Variants in MARF1 observed in about 807,000 individuals in gnomAD.
MARF1 encodes the protein limkain-b1.
Under a neutral mutation model 168.2 loss-of-function variants are expected in MARF1, and 24 were observed. The ratio of observed to expected loss-of-function variants is 0.14; its 90% CI spans 0.10 to 0.20. MARF1 has a LOEUF of 0.20. Ranked by LOEUF, MARF1 falls within the 10% of genes least tolerant of loss-of-function variation. MARF1 has a pLI of 1.00. For synonymous variants in MARF1, 868 were observed against 822.4 expected (o/e 1.06, Z -0.95); for missense variants, 1,744 against 2,143.6 (o/e 0.81, Z 3.68).
intron 13 of MARF1, 26 bp from the exon 14 acceptor site, chr16:15,617,561 G>A: frequency 2.0e-6 from 3 of 1,497,366 alleles, no homozygotes; most frequent in Non-Finnish European, 2.8e-6. Flanking sequence ...GAGAGACGCT[G>A]ACTTAGAAGG....
rs750590815 is a variant in MARF1, at chr16:15,604,360, G to A, written c.4221C>T (p.Ile1407=). The A allele has an allele frequency of 4.3e-6, 7 of 1,614,038 alleles. No homozygotes were observed. In the East Asian group the frequency reaches 1.3e-4, roughly 31 times the overall value. The change falls in exon 22 of 27, where the codon ATC becomes ATT. Residue 1407 remains isoleucine, a synonymous_variant. Coordinates refer to ENST00000396368, the MANE Select transcript of MARF1 (RefSeq NM_014647.4). Reference sequence around the variant, plus strand: ...TGAGAGATCGCAGAGACTTTCGGTTGATCAGCTGAATCTGTCTGCCAGATT... The same window carrying A: ...TGAGAGATCGCAGAGACTTTCGGTTAATCAGCTGAATCTGTCTGCCAGATT... ...DIESGRQIQL[I]NRKSLRSLTA...
rs72770198 is a variant in MARF1, at chr16:15,609,851, C to T, written c.3752-126G>A. ...ATCATCCTTGCCTTCCAAACACACA[C>T]AACCTAAAACAAACACATATACTCT... On this transcript the variant is annotated intron_variant, in intron 19 of 26. Transcript: ENST00000396368. The T allele has an allele frequency of 4.2e-3, 3,236 of 761,618 alleles. 14 individuals carry two copies. Among genetic ancestry groups the T allele is most frequent in the Non-Finnish European group, 6.1e-3 (2,842 of 465,862 alleles). The allele number at this position is 761,618 out of a possible 1,614,324, so 47.2% of individuals were successfully genotyped here. A position where few individuals can be genotyped will look rare whatever the true frequency, so the allele number is the denominator to read the frequency against.
At position 15,627,027 on chromosome 16, in the gene MARF1, G is replaced by C. The variant is rs1322384756; in HGVS notation, c.1525-1227C>G. 2.6e-5 allele frequency among the ~76,000 whole-genome samples: 4 copies of C among 151,324 alleles called. No individual in the cohort carries two copies. In the East Asian group the frequency reaches 5.8e-4, roughly 22 times the overall value. ...ACTGGAGAAAAAGAAAGAAAAGAGA[G>C]AGAGAGAGAGAAAGAACGAACAAAC... On this transcript the variant is annotated intron_variant, in intron 7 of 26. Coordinates refer to ENST00000396368, the MANE Select transcript of MARF1 (RefSeq NM_014647.4).
intron 21 of MARF1, among the ~76,000 whole-genome samples, chr16:15,605,054 A>C (rs1311860388): frequency 6.6e-6 from 1 of 152,234 alleles, no homozygotes; most frequent in Non-Finnish European, 1.5e-5. Context: ...CAAAAAAGAC[A>C]GAGATTGTCA....
intron 11 of MARF1, 27 bp from the exon 12 acceptor site, chr16:15,621,938 C>T (rs377321819): frequency 1.2e-5 from 20 of 1,606,644 alleles, no homozygotes; most frequent in South Asian, 5.5e-5. Flanking sequence ...GAAAACTAAA[C>T]GCTATGTCCG....
Position 15,604,776 on chromosome 16 carries a change from G to C in MARF1, c.4183-378C>G, listed in dbSNP as rs148813841. 5.7e-3 allele frequency among the ~76,000 whole-genome samples: 862 copies of C among 152,264 alleles called. 7 individuals carry two copies. Among genetic ancestry groups the C allele is most frequent in the African/African-American group, 0.02 (834 of 41,556 alleles). On this transcript the variant is annotated intron_variant, in intron 21 of 26. Coordinates refer to ENST00000396368, the MANE Select transcript of MARF1 (RefSeq NM_014647.4). Reference sequence around the variant, plus strand: ...AAGTGTGGGTTGCTGTGCTCGAAGGGGGGTAGGGATGGGGAGGCTAGACTC... The same window carrying C: ...AAGTGTGGGTTGCTGTGCTCGAAGGCGGGTAGGGATGGGGAGGCTAGACTC...
At position 15,602,059 on chromosome 16, in the gene MARF1, C is replaced by T. The variant is rs771414217; in HGVS notation, c.4558G>A (p.Gly1520Arg). 19 of 1,614,028 alleles carry T rather than the reference C, an allele frequency of 1.2e-5. 1 individual carries two copies. The African/African-American group carries it at 1.2e-4, about 10-fold the overall frequency. Residue 1520 changes from glycine to arginine, a missense_variant, in exon 23 of 27, where the codon GGA becomes AGA. By Grantham distance (125) the Gly-to-Arg change is moderately radical. Around this residue, in one of 7 missense-constraint regions of MARF1, gnomAD observed 313 missense variants for 337.4 expected, o/e 0.93. Transcript: ENST00000396368. ...EFSMAYTKYVGETLQPKTYGH... is the reference protein window; with the variant it reads ...EFSMAYTKYVRETLQPKTYGH... ...TAGGTCTTGGGCTGCAGAGTTTCTC[C>T]GACATACTTGGTATAGGCCATGGAA... is the stretch of plus-strand genomic sequence containing the variant.
Position 15,595,494 on chromosome 16 carries a change from G to T in MARF1, c.*1199C>A, listed in dbSNP as rs1423626483. 1 of 152,562 alleles carries T rather than the reference G, an allele frequency of 6.6e-6. No individual in the cohort carries two copies. The highest frequency in any genetic ancestry group is 6.6e-5 in the Admixed American group (1 of 15,266). 9.5% of individuals were successfully genotyped at this position (152,562 alleles called of 1,614,324 possible). ...ATTGTAAATGTCAGGTTTCTCTAGA[G>T]GGGGGTGAGAGGCCACCCGTCAGCG... On this transcript the variant is annotated 3_prime_UTR_variant, in exon 27 of 27. Transcript: ENST00000396368.
At chr16:15,637,390 T>G (rs1007040487) in intron 2 of MARF1, among the ~76,000 whole-genome samples, 6 of 152,164 alleles carry the variant, frequency 3.9e-5, no homozygotes, top group African/African-American at 1.4e-4. Flanking sequence ...TCCACTCCCT[T>G]TGCTGTGATT....
In MARF1 at chr16:15,597,047, T is replaced by C. The variant is rs767550430; in HGVS notation, c.4985-110A>G. 328 of 1,241,474 alleles carry C rather than the reference T, an allele frequency of 2.6e-4. 1 individual carries two copies. The highest frequency in any genetic ancestry group is 3.5e-4 in the Non-Finnish European group (315 of 912,550). The allele number at this position is 1,241,474 out of a possible 1,614,324, so 76.9% of individuals were successfully genotyped here. ...AAGATAATAATAGTAATAAAAAGCT[T>C]CTAAATGCTACATCTATGCCACAGT... On this transcript the variant is annotated intron_variant, in intron 26 of 26. Transcript: ENST00000396368.
intron 17 of MARF1, 103 bp downstream of exon 17, chr16:15,612,454 A>G (rs2033654603): frequency 9.8e-7 from 1 of 1,020,956 alleles, no homozygotes; most frequent in East Asian, 2.4e-5. Context: ...TGTTCTGCCC[A>G]GAACTGACTT....
In MARF1 at chr16:15,635,607, T is replaced by C. The variant is rs1355594776; in HGVS notation, c.831+49A>G. On this transcript the variant is annotated intron_variant, in intron 3 of 26. Coordinates refer to ENST00000396368, the MANE Select transcript of MARF1 (RefSeq NM_014647.4). ...CAAGATAAATCCACTTCAAAAGTCA[T>C]TCCTCAATCCTCAGCTGCACCCAAC... is the stretch of plus-strand genomic sequence containing the variant. 5 of 1,512,012 alleles carry C rather than the reference T, an allele frequency of 3.3e-6. No homozygotes were observed. The South Asian group carries it at 4.6e-5, about 14-fold the overall frequency. 93.7% of individuals were successfully genotyped at this position (1,512,012 alleles called of 1,614,324 possible). A position where few individuals can be genotyped will look rare whatever the true frequency, so the allele number is the denominator to read the frequency against.
intron 2 of MARF1, 40 bp from the exon 3 acceptor site, chr16:15,636,382 G>T: frequency 6.8e-7 from 1 of 1,480,280 alleles, no homozygotes; most frequent in Non-Finnish European, 9.1e-7. Context: ...ATTTTATGAG[G>T]TCCGTGGTTT....
intron 12 of MARF1, among the ~76,000 whole-genome samples, chr16:15,620,743 T>C (rs2034396689): frequency 1.3e-5 from 2 of 152,176 alleles, no homozygotes; most frequent in Admixed American, 6.5e-5. Flanking sequence ...TTAGTATCAA[T>C]CATAGGGTTT....
Position 15,624,875 on chromosome 16 carries a change from C to G in MARF1, c.2164G>C (p.Asp722His). 6.2e-7 allele frequency: 1 copy of G among 1,614,162 alleles called. No homozygotes were observed. The highest frequency in any genetic ancestry group is 1.1e-5 in the South Asian group (1 of 91,078). Residue 722 changes from aspartate (D) to histidine (H), a missense_variant, in exon 10 of 27, where the codon GAT (aspartate) becomes CAT (histidine). This residue lies in a region of MARF1 where 270 missense variants were observed against 260.6 expected (regional missense o/e 1.04). Coordinates refer to ENST00000396368, the MANE Select transcript of MARF1 (RefSeq NM_014647.4). The stretch of plus-strand genomic sequence containing the variant: ...ACTTGGAATACAGTCTCCTCTTTAT[C>G]TTTTTTCTCTACAGGAGAACTGGTA... ...SVTSSPVEKK[D>H]KEETVFQVSY...
intron 7 of MARF1, among the ~76,000 whole-genome samples, chr16:15,626,636 C>T (rs2034864237): frequency 6.6e-6 from 1 of 152,150 alleles, no homozygotes; most frequent in African/African-American, 2.4e-5. Context: ...AGTCATAATT[C>T]TTCCAGATAA....
chr16:15,634,995 T>C (rs1435052815), intron 3 of MARF1, 64 bp from the exon 4 acceptor site: 239 of 1,428,460 alleles, frequency 1.7e-4, no homozygotes, highest in Non-Finnish European at 2.0e-5. Flanking sequence ...GCTGGAGTTA[T>C]ATACAACAAC....
chr16:15,621,119 G>GT (rs1567562596), intron 12 of MARF1, among the ~76,000 whole-genome samples: 2 of 151,278 alleles, frequency 1.3e-5, no homozygotes, highest in Admixed American at 6.6e-5. Flanking sequence ...AAAAAAACCC[G>GT]TAACTCGTAA....
At chr16:15,611,129 T>G (rs199519859) in intron 18 of MARF1, 21 bp from the exon 19 acceptor site, 21 of 1,612,086 alleles carry the variant, frequency 1.3e-5, no homozygotes, top group Admixed American at 1.7e-5. Flanking sequence ...ACAACGGAAG[T>G]GGATACGGAA....
Sources: gnomAD v4.1 joint callset for allele counts (sites outside exome capture counted in the v4.1 genomes callset) on GRCh38, gnomAD v4.1.1 for gene constraint, gnomAD v4.1.1 regional missense constraint, MANE v1.5 for transcripts, NCBI Gene and HGNC (gene_info 2026-07-23, HGNC 2026-07-21) for gene names.